Variants in AKR1B10 observed in about 807,000 individuals in gnomAD.
AKR1B10 encodes the protein aldo-keto reductase family 1 member B10, also known as ARP.
In AKR1B10, 39 loss-of-function variants were observed where a neutral mutation model predicts 38.9. That is an observed-to-expected ratio of 1.00 (90% CI 0.78 to 1.31). The LOEUF (loss-of-function observed/expected upper bound fraction) is 1.31, where lower values mean the gene tolerates loss of function less well. Ranked by LOEUF, AKR1B10 falls within the 50% of genes most tolerant of loss-of-function variation. The pLI, the probability that AKR1B10 is intolerant of heterozygous loss-of-function variation, is 0.00. For synonymous variants in AKR1B10, 148 were observed against 141.2 expected (o/e 1.05, Z -0.34); for missense variants, 361 against 382.6 (o/e 0.94, Z 0.47).
chr7:134,538,219 G>C lies in AKR1B10; in HGVS notation c.767G>C (p.Arg256Thr). 3 of 1,614,108 alleles carry C rather than the reference G, an allele frequency of 1.9e-6. No homozygotes were observed. The highest frequency in any genetic ancestry group is 2.2e-5 in the South Asian group (2 of 91,070). Residue 256 changes from arginine (R) to threonine (T), a missense_variant, in exon 8 of 10, where the codon AGG becomes ACG. By Grantham distance (71) the Arg-to-Thr change is moderately conservative. This residue lies in a region of AKR1B10 where 132 missense variants were observed against 134.6 expected (regional missense o/e 0.98). Transcript: ENST00000359579. ...GTTCTGATCCGTTTCCATATCCAGA[G>C]GAATGTGATTGTCATCCCCAAGTCT... The part of the protein sequence containing the change: ...AQVLIRFHIQ[R>T]NVIVIPKSVT...
At chr7:134,534,187 T>C (rs934506987) in intron 4 of AKR1B10, among the ~76,000 whole-genome samples, 6 of 152,194 alleles carry the variant, frequency 3.9e-5, no homozygotes, top group African/African-American at 1.4e-4. Context: ...AGTGGCACAA[T>C]CTTGGCTCAC....
intron 4 of AKR1B10, among the ~76,000 whole-genome samples, chr7:134,535,170 G>A (rs1807962499): frequency 6.6e-6 from 1 of 152,112 alleles, no homozygotes; most frequent in Non-Finnish European, 1.5e-5. Context: ...TAGAGACAGG[G>A]TCTTGCTATG....
In AKR1B10 at chr7:134,541,286, A is replaced by G; in HGVS notation, c.*197A>G. ...TAGGATCAGAATATCACAGAAAAGC[A>G]TGGCTTGAATAAGGAAATGACAATT... On this transcript the variant is annotated 3_prime_UTR_variant, in exon 10 of 10. Coordinates refer to ENST00000359579, the MANE Select transcript of AKR1B10 (RefSeq NM_020299.5). 1 of 519,020 alleles carries G rather than the reference A, an allele frequency of 1.9e-6. No homozygotes were observed. Among genetic ancestry groups the G allele is most frequent in the African/African-American group, 2.0e-5 (1 of 50,904 alleles). The allele number at this position is 519,020 out of a possible 1,614,324, so 32.2% of individuals were successfully genotyped here. A position where few individuals can be genotyped will look rare whatever the true frequency, so the allele number is the denominator to read the frequency against.
At chr7:134,536,332 C>T (rs1162452914) in intron 4 of AKR1B10, among the ~76,000 whole-genome samples, 1 of 147,386 alleles carries the variant, frequency 6.8e-6, no homozygotes, top group Non-Finnish European at 1.5e-5. Flanking sequence ...TATTTTTTTG[C>T]ATTACAAAAC....
intron 2 of AKR1B10, 65 bp from the exon 3 acceptor site, chr7:134,531,843 A>G: frequency 6.3e-7 from 1 of 1,579,162 alleles, no homozygotes; most frequent in Middle Eastern, 1.7e-4. Context: ...AAAAGCAGGG[A>G]CAATGAGTAC....
In AKR1B10 at chr7:134,527,969, A is replaced by C; in HGVS notation, c.58A>C (p.Thr20Pro). 1 of 1,614,046 alleles carries C rather than the reference A, an allele frequency of 6.2e-7. No homozygotes were observed. The highest frequency in any genetic ancestry group is 8.5e-7 in the Non-Finnish European group (1 of 1,179,944). Residue 20 changes from threonine (T) to proline (P), a missense_variant, in exon 1 of 10, where the codon ACT becomes CCT. Physicochemically the swap from Thr to Pro is conservative, Grantham distance 38. This residue lies in a region of AKR1B10 where 220 missense variants were observed against 216.1 expected (regional missense o/e 1.02). Coordinates refer to ENST00000359579, the MANE Select transcript of AKR1B10 (RefSeq NM_020299.5). ...CAAGATGCCCATTGTGGGCCTGGGC[A>C]CTTGGAAGGTAAATATGCAAATCTT... ...KAKMPIVGLG[T>P]WKSPLGKVKE...
chr7:134,538,160 C>T (rs760137259), intron 7 of AKR1B10, 34 bp from the exon 8 acceptor site: 4 of 1,583,306 alleles, frequency 2.5e-6, no homozygotes, highest in Non-Finnish European at 3.5e-6. Flanking sequence ...GTCTTTGGAG[C>T]TGAGTGGAAG....
intron 2 of AKR1B10, among the ~76,000 whole-genome samples, chr7:134,531,487 T>G (rs1357000805): frequency 6.6e-6 from 1 of 152,176 alleles, no homozygotes; most frequent in African/African-American, 2.4e-5. Context: ...TGGGGCCTTA[T>G]AGGCTTGATA....
intron 8 of AKR1B10, among the ~76,000 whole-genome samples, 191 bp downstream of exon 8, chr7:134,538,468 T>TG (rs1808071566): frequency 6.6e-6 from 1 of 152,120 alleles, no homozygotes; most frequent in Non-Finnish European, 1.5e-5. Context: ...AAGGACATCC[T>TG]GGGGGCAGTG....
At position 134,533,367 on chromosome 7, in the gene AKR1B10, G is replaced by A. The variant is rs556580771; in HGVS notation, c.429+286G>A. Among the ~76,000 whole-genome samples, 15 of 152,296 alleles carry A rather than the reference G, an allele frequency of 9.8e-5. No individual in the cohort carries two copies. In the South Asian group the frequency reaches 3.1e-3, roughly 32 times the overall value. The stretch of plus-strand genomic sequence containing the variant: ...CAGGGCGAGGCATTTGGAACAGGAG[G>A]TTTGGGCCTGGGTGTGCTCATAGCA... On this transcript the variant is annotated intron_variant, in intron 4 of 9. Coordinates refer to ENST00000359579, the MANE Select transcript of AKR1B10 (RefSeq NM_020299.5).
chr7:134,530,153 TCACCATTTG>T, intron 1 of AKR1B10, among the ~76,000 whole-genome samples: 1 of 152,248 alleles, frequency 6.6e-6, no homozygotes, highest in South Asian at 2.1e-4. Context: ...CAGATCCTTA[TCACCATTTG>T]GGGAAATTGT....
intron 4 of AKR1B10, chr7:134,535,585 C>CTTTTTTT (rs58628862): frequency 2.9e-4 from 121 of 410,572 alleles, no homozygotes; most frequent in African/African-American, 5.7e-4. Flanking sequence ...TCTTTTCTGT[C>CTTTTTTT]TTTTTTTTTT....
At position 134,538,261 on chromosome 7, in the gene AKR1B10, T is replaced by C. The variant is rs1808064651; in HGVS notation, c.809T>C (p.Ile270Thr). The C allele has an allele frequency of 1.2e-6, 2 of 1,614,032 alleles. No individual in the cohort carries two copies. Among genetic ancestry groups the C allele is most frequent in the Non-Finnish European group, 1.7e-6 (2 of 1,179,934 alleles). ...CCCAAGTCTGTGACACCAGCACGCA[T>C]TGTTGAGAACATTCAGGTAAGTTTC... The part of the protein sequence containing the change: ...VIPKSVTPAR[I>T]VENIQVFDFK... Residue 270 changes from isoleucine to threonine, a missense_variant, in exon 8 of 10, where the codon ATT becomes ACT. By Grantham distance (89) the Ile-to-Thr change is moderately conservative. Transcript: ENST00000359579.
chr7:134,530,652 G>A lies in AKR1B10; in HGVS notation c.76G>A (p.Gly26Ser), dbSNP rs769854371. The change falls in exon 2 of 10, where the codon GGC (glycine) becomes AGC (serine). Residue 26 changes from glycine to serine, a missense_variant. Gly to Ser is a moderately conservative substitution (Grantham distance 56). Around this residue, in one of 3 missense-constraint regions of AKR1B10, gnomAD observed 220 missense variants for 216.1 expected, o/e 1.02. Coordinates refer to ENST00000359579, the MANE Select transcript of AKR1B10 (RefSeq NM_020299.5). The part of the protein sequence containing the change: ...VGLGTWKSPL[G>S]KVKEAVKVAI... ...TTCTTTTGCCTTTCAGTCTCCTCTTGGCAAAGTGAAAGAAGCAGTGAAGGT... is the reference window on the plus strand; with the variant it reads ...TTCTTTTGCCTTTCAGTCTCCTCTTAGCAAAGTGAAAGAAGCAGTGAAGGT... 11 of 1,613,766 alleles carry A rather than the reference G, an allele frequency of 6.8e-6. No individual in the cohort carries two copies. The African/African-American group carries it at 8.0e-5, about 12-fold the overall frequency.
chr7:134,532,973 T>G, intron 3 of AKR1B10, 31 bp from the exon 4 acceptor site: 1 of 1,583,964 alleles, frequency 6.3e-7, no homozygotes, highest in Non-Finnish European at 8.6e-7. Flanking sequence ...CTGATGCAGA[T>G]TCCAGTAAAC....
At chr7:134,539,674 T>C (rs942270936) in intron 9 of AKR1B10, among the ~76,000 whole-genome samples, 2 of 152,164 alleles carry the variant, frequency 1.3e-5, no homozygotes, top group Admixed American at 1.3e-4. Flanking sequence ...GGAGGCTGGA[T>C]TAAATCATCT....
In AKR1B10 at chr7:134,541,065, CTA is replaced by C. The variant is rs749081678; in HGVS notation, c.929_930del (p.Tyr310SerfsTer26). The C allele has an allele frequency of 1.1e-5, 17 of 1,579,716 alleles. No individual in the cohort carries two copies. The South Asian group carries it at 1.8e-4, about 16-fold the overall frequency. On this transcript the variant is annotated frameshift_variant, in exon 10 of 10. Coordinates refer to ENST00000359579, the MANE Select transcript of AKR1B10 (RefSeq NM_020299.5). LOFTEE classifies it high-confidence loss of function. ...NVLQSSHLED[Y>X]PFNAEY ...CCTGCAGATCCTCTCATTTGGAAGA[CTA>C]TCCCTTCAATGCAGAATATTGAGGT... is the stretch of plus-strand genomic sequence containing the variant.
chr7:134,536,946 G>C lies in AKR1B10; in HGVS notation c.553-105G>C. On this transcript the variant is annotated intron_variant, in intron 5 of 9. Coordinates refer to ENST00000359579, the MANE Select transcript of AKR1B10 (RefSeq NM_020299.5). ...ATTTAGCAAGTATCTCAGTGGGCAG[G>C]TGTTTGGCCTTTGCTTGGTGGACTT... The C allele has an allele frequency of 3.8e-6, 6 of 1,581,870 alleles. 1 individual carries two copies. The highest frequency in any genetic ancestry group is 5.2e-6 in the Non-Finnish European group (6 of 1,163,166).
rs1354334969 is a variant in AKR1B10 at position 134,537,047 on chromosome 7, G to A, written c.553-4G>A. The A allele has an allele frequency of 1.6e-5, 26 of 1,577,586 alleles. No homozygotes were observed. Among genetic ancestry groups the A allele is most frequent in the Non-Finnish European group, 2.1e-5 (24 of 1,163,020 alleles). On this transcript the variant is annotated splice_polypyrimidine_tract_variant and splice_region_variant and intron_variant, in intron 5 of 9. Coordinates refer to ENST00000359579, the MANE Select transcript of AKR1B10 (RefSeq NM_020299.5). ...CCCGTGATGAGGATTGTTTGCTGTT[G>A]CAGGTTGAGTGTCACCCATACCTCA... is the stretch of plus-strand genomic sequence containing the variant.
Sources: allele counts gnomAD v4.1 joint callset (sites outside exome capture counted in the v4.1 genomes callset), GRCh38; gene constraint gnomAD v4.1.1; regional missense constraint gnomAD v4.1.1; transcripts MANE v1.5; gene names NCBI Gene and HGNC (gene_info 2026-07-23, HGNC 2026-07-21).